Variants in COPS2 observed in about 807,000 individuals in gnomAD.
COPS2 encodes COP9 signalosome complex subunit 2.
Under a neutral mutation model 66.1 loss-of-function variants are expected in COPS2, and 10 were observed. The ratio of observed to expected loss-of-function variants is 0.15; its 90% CI spans 0.09 to 0.26. The LOEUF (loss-of-function observed/expected upper bound fraction) is 0.26. Among genes scored for constraint, COPS2 ranks in the 10% least tolerant of loss-of-function variants. The probability of loss-of-function intolerance (pLI) is 1.00; values close to 1 mark genes in which losing one functional copy is unlikely to be tolerated. For synonymous variants in COPS2, 179 were observed against 171.3 expected (o/e 1.04, Z -0.35); for missense variants, 215 against 513.3 (o/e 0.42, Z 5.62).
intron 1 of COPS2, among the ~76,000 whole-genome samples, chr15:49,147,243 T>C (rs980311420): frequency 6.6e-6 from 1 of 152,174 alleles, no homozygotes; most frequent in African/African-American, 2.4e-5. Flanking sequence ...GATAGAGGAA[T>C]AGCTTGCTGA....
chr15:49,129,011 A>G (rs1315437283), intron 11 of COPS2, among the ~76,000 whole-genome samples: 2 of 152,202 alleles, frequency 1.3e-5, no homozygotes. Context: ...CATCAATTAC[A>G]TATTTTAGCC....
intron 4 of COPS2, chr15:49,139,250 G>C (rs553441219): frequency 4.0e-6 from 1 of 251,418 alleles, no homozygotes; most frequent in Non-Finnish European, 7.5e-6. Flanking sequence ...ACCTGTGGTA[G>C]CAACTGTATA....
intron 4 of COPS2, 85 bp from the exon 5 acceptor site, chr15:49,137,522 ATCTT>A: frequency 1.0e-6 from 1 of 959,016 alleles, no homozygotes; most frequent in Non-Finnish European, 1.7e-6. Flanking sequence ...CTAAAAGTGC[ATCTT>A]TGAACTTTAA....
chr15:49,123,995 G>A lies in COPS2; in HGVS notation c.*3955C>T, dbSNP rs1295148406. The A allele has an allele frequency of 6.6e-6, 1 of 152,178 alleles. No homozygotes were observed. The highest frequency in any genetic ancestry group is 1.5e-5 in the Non-Finnish European group (1 of 68,036). 9.4% of individuals were successfully genotyped at this position (152,178 alleles called of 1,614,324 possible). ...TTAAACTCACATTTTAATGGCCCAA[G>A]AAGTTACTATAAATTTAATAATCTC... On this transcript the variant is annotated 3_prime_UTR_variant, in exon 13 of 13. Transcript: ENST00000388901.
intron 1 of COPS2, 74 bp downstream of exon 1, chr15:49,155,451 C>G (rs890081569): frequency 1.1e-5 from 15 of 1,424,712 alleles, no homozygotes; most frequent in Non-Finnish European, 1.5e-5. Flanking sequence ...CGGGGAGAGG[C>G]CGCGGGCGCC....
At chr15:49,155,112 C>G (rs2084410024) in intron 1 of COPS2, among the ~76,000 whole-genome samples, 1 of 152,256 alleles carries the variant, frequency 6.6e-6, no homozygotes. Flanking sequence ...ATTTCGCACC[C>G]GCTCAGTTCC....
At chr15:49,154,167 T>G (rs1034520178) in intron 1 of COPS2, among the ~76,000 whole-genome samples, 1 of 151,732 alleles carries the variant, frequency 6.6e-6, no homozygotes, top group African/African-American at 2.4e-5. Context: ...ATGAATCAAT[T>G]AAAAAAATAC....
chr15:49,126,020 C>A lies in COPS2; in HGVS notation c.*1930G>T, dbSNP rs1246869744. 6.6e-6 allele frequency: 1 copy of A among 152,312 alleles called. No homozygotes were observed. The highest frequency in any genetic ancestry group is 1.5e-5 in the Non-Finnish European group (1 of 67,916). 9.4% of individuals were successfully genotyped at this position (152,312 alleles called of 1,614,324 possible). A position where few individuals can be genotyped will look rare whatever the true frequency, so the allele number is the denominator to read the frequency against. ...GCTTTCAAGGGTTATCACATGCATA[C>A]ATATTTGAATACAGGCACAAAAACT... On this transcript the variant is annotated 3_prime_UTR_variant, in exon 13 of 13. Transcript: ENST00000388901.
chr15:49,135,505 T>C (rs1434528897), intron 6 of COPS2, among the ~76,000 whole-genome samples: 1 of 152,090 alleles, frequency 6.6e-6, no homozygotes, highest in African/African-American at 2.4e-5. Context: ...ATAAACCAAG[T>C]GCCTAGGAGA....
intron 4 of COPS2, 105 bp downstream of exon 4, chr15:49,139,423 A>G: frequency 1.2e-6 from 1 of 864,116 alleles, no homozygotes; most frequent in East Asian, 2.5e-5. Flanking sequence ...AACTAGCACA[A>G]CTACTTAAAT....
chr15:49,151,040 TA>T (rs1470246640), intron 1 of COPS2, among the ~76,000 whole-genome samples: 2 of 152,186 alleles, frequency 1.3e-5, no homozygotes, highest in Non-Finnish European at 2.9e-5. Flanking sequence ...TATGGTCATA[TA>T]TTTAACCAAG....
rs1399405464 is a variant in COPS2, at chr15:49,129,469, A to AT, written c.1128+7dup. 3.4e-6 allele frequency: 4 copies of AT among 1,184,634 alleles called. No homozygotes were observed. The highest frequency in any genetic ancestry group is 1.7e-5 in the South Asian group (1 of 59,942). The allele number at this position is 1,184,634 out of a possible 1,614,324, so 73.4% of individuals were successfully genotyped here. ...ATAAACATCATTAAAATCTATGAAT[A>AT]TAAGTACCTTAGAAATAAAAGGAAT... On this transcript the variant is annotated splice_region_variant and intron_variant, in intron 11 of 12. Coordinates refer to ENST00000388901, the MANE Select transcript of COPS2 (RefSeq NM_004236.4).
rs895978610 is a variant in COPS2 at position 49,126,359 on chromosome 15, A to G, written c.*1591T>C. On this transcript the variant is annotated 3_prime_UTR_variant, in exon 13 of 13. Coordinates refer to ENST00000388901, the MANE Select transcript of COPS2 (RefSeq NM_004236.4). ...TTTTTAGTATAAATATATATCACAT[A>G]TTTTCGTAAAATTTTGACAAAACCG... The G allele has an allele frequency of 6.6e-6, 1 of 152,324 alleles. No homozygotes were observed. The highest frequency in any genetic ancestry group is 1.5e-5 in the Non-Finnish European group (1 of 67,892). 9.4% of individuals were successfully genotyped at this position (152,324 alleles called of 1,614,324 possible).
chr15:49,126,226 T>C lies in COPS2; in HGVS notation c.*1724A>G, dbSNP rs1419610594. ...TTCCCTACCATAGACATTTTGTCTT[T>C]TGTTTTCTTTCCGTTTTCTACAATT... On this transcript the variant is annotated 3_prime_UTR_variant, in exon 13 of 13. Coordinates refer to ENST00000388901, the MANE Select transcript of COPS2 (RefSeq NM_004236.4). The C allele has an allele frequency of 6.6e-6, 1 of 152,530 alleles. No individual in the cohort carries two copies. The highest frequency in any genetic ancestry group is 1.5e-5 in the Non-Finnish European group (1 of 67,944). The allele number at this position is 152,530 out of a possible 1,614,324, so 9.4% of individuals were successfully genotyped here. A position where few individuals can be genotyped will look rare whatever the true frequency, so the allele number is the denominator to read the frequency against.
At chr15:49,133,434 G>C (rs1399744464) in intron 9 of COPS2, among the ~76,000 whole-genome samples, 2 of 152,204 alleles carry the variant, frequency 1.3e-5, no homozygotes, top group African/African-American at 2.4e-5. Flanking sequence ...ATTAAGAGAG[G>C]TATAGGCAGT....
intron 6 of COPS2, among the ~76,000 whole-genome samples, chr15:49,136,151 C>T (rs1946242577): frequency 6.6e-6 from 1 of 151,774 alleles, no homozygotes; most frequent in Admixed American, 6.6e-5. Context: ...ACAGAAATGA[C>T]ACATATATCA....
intron 1 of COPS2, among the ~76,000 whole-genome samples, chr15:49,145,626 G>A (rs2141131395): frequency 6.6e-6 from 1 of 152,102 alleles, no homozygotes; most frequent in South Asian, 2.1e-4. Context: ...CTATACAACA[G>A]CTGTTTATAC....
At chr15:49,137,503 T>C (rs2084261909) in intron 4 of COPS2, 66 bp from the exon 5 acceptor site, 1 of 1,141,212 alleles carries the variant, frequency 8.8e-7, no homozygotes, top group East Asian at 2.3e-5. Context: ...TAAAGTTAAT[T>C]TGAACAAACT....
intron 4 of COPS2, 38 bp downstream of exon 4, chr15:49,139,490 C>A (rs1377617978): frequency 6.5e-7 from 1 of 1,528,882 alleles, no homozygotes; most frequent in Admixed American, 1.8e-5. Context: ...AAATAATAAA[C>A]ACACTGATCG....
Sources: allele counts gnomAD v4.1 joint callset (sites outside exome capture counted in the v4.1 genomes callset), GRCh38; gene constraint gnomAD v4.1.1; transcripts MANE v1.5; gene names NCBI Gene and HGNC (gene_info 2026-07-23, HGNC 2026-07-21).